XRCC4: variants seen among roughly 807,000 people sequenced by gnomAD.
XRCC4 encodes the protein DNA repair protein XRCC4.
XRCC4 carries 28 observed loss-of-function variants against 39.1 expected under a neutral mutation model. That is an observed-to-expected ratio of 0.72 (90% CI 0.53 to 0.98). XRCC4 has a LOEUF of 0.98. Among genes scored for constraint, XRCC4 ranks in the 50% least tolerant of loss-of-function variants. XRCC4 has a pLI of 0.00. For missense variants in XRCC4, 350 were observed against 376.4 expected (o/e 0.93, Z 0.58); for synonymous variants, 123 against 126.4 (o/e 0.97, Z 0.18).
In XRCC4 at chr5:83,116,608, CTTTTTTTTTTTTTTT is replaced by C. The variant is rs559079642; in HGVS notation, c.315+5422_315+5436del. ...GAAAGAATTACCAGTTTCTCTCTCT[CTTTTTTTTTTTTTTT>C]TTTTTTTTTTTTTTTTGAGATGGAG... On this transcript the variant is annotated intron_variant, in intron 3 of 7. Transcript: ENST00000396027. Among the ~76,000 whole-genome samples the C allele has an allele frequency of 2.0e-3, 203 of 103,194 alleles. 1 individual carries two copies. Among genetic ancestry groups the C allele is most frequent in the African/African-American group, 6.3e-3 (185 of 29,470 alleles). 67.7% of individuals were successfully genotyped at this position (103,194 alleles called of 152,430 possible). A position where few individuals can be genotyped will look rare whatever the true frequency, so the allele number is the denominator to read the frequency against.
chr5:83,217,478 C>T (rs962150478), intron 6 of XRCC4, among the ~76,000 whole-genome samples: 2 of 151,828 alleles, frequency 1.3e-5, no homozygotes, highest in Middle Eastern at 3.5e-3. Flanking sequence ...TAAATTAATC[C>T]GGAGGGTAAT....
chr5:83,216,407 T>C (rs1339662671), intron 6 of XRCC4, among the ~76,000 whole-genome samples: 1 of 152,176 alleles, frequency 6.6e-6, no homozygotes, highest in African/African-American at 2.4e-5. Context: ...TGTTTGGCAG[T>C]TCCTCAAAAA....
intron 3 of XRCC4, among the ~76,000 whole-genome samples, chr5:83,116,810 C>T (rs552255754): frequency 1.3e-5 from 2 of 151,882 alleles, no homozygotes; most frequent in East Asian, 1.9e-4. Flanking sequence ...TTAGTAGAGA[C>T]GGGGTTGTGC....
chr5:83,285,223 G>A (rs1431158680), intron 7 of XRCC4, among the ~76,000 whole-genome samples: 1 of 151,960 alleles, frequency 6.6e-6, no homozygotes, highest in Non-Finnish European at 1.5e-5. Flanking sequence ...ATTTTCCATT[G>A]TTACCTAAAT....
intron 7 of XRCC4, among the ~76,000 whole-genome samples, chr5:83,312,615 A>G (rs1755744930): frequency 6.6e-6 from 1 of 152,180 alleles, no homozygotes; most frequent in Non-Finnish European, 1.5e-5. Flanking sequence ...CGTGATAAAA[A>G]TGAGTTGGAA....
At chr5:83,232,650 C>T (rs984714316) in intron 6 of XRCC4, among the ~76,000 whole-genome samples, 1 of 152,016 alleles carries the variant, frequency 6.6e-6, no homozygotes, top group Admixed American at 6.6e-5. Context: ...TCTAGATATC[C>T]TCCTATCTCT....
intron 6 of XRCC4, among the ~76,000 whole-genome samples, chr5:83,251,523 CAAAAAAAAAAAA>C (rs60359773): frequency 8.6e-5 from 6 of 69,914 alleles, no homozygotes; most frequent in African/African-American, 2.0e-4. Context: ...GACTCCGTCT[CAAAAAAAAAAAA>C]AAAAAAAAAA....
At chr5:83,185,408 A>C (rs1191623121) in intron 3 of XRCC4, among the ~76,000 whole-genome samples, 4 of 135,034 alleles carry the variant, frequency 3.0e-5, no homozygotes, top group Non-Finnish European at 6.3e-5. Flanking sequence ...ATTGATATAC[A>C]AAAAAAGTAT....
Position 83,303,099 on chromosome 5 carries a change from G to C in XRCC4, c.893+44422G>C, listed in dbSNP as rs550585380. The stretch of plus-strand genomic sequence containing the variant: ...GTGGTGGCACAAGCCTGTAGTCCCA[G>C]CTACTTGGGAGGCTGAGGCAGGGGA... On this transcript the variant is annotated intron_variant, in intron 7 of 7. Coordinates refer to ENST00000396027, the MANE Select transcript of XRCC4 (RefSeq NM_003401.5). Among the ~76,000 whole-genome samples, 351 of 151,996 alleles carry C rather than the reference G, an allele frequency of 2.3e-3. 1 individual carries two copies. The highest frequency in any genetic ancestry group is 8.0e-3 in the African/African-American group (332 of 41,434).
intron 1 of XRCC4, among the ~76,000 whole-genome samples, chr5:83,090,351 G>GGA (rs1554052986): frequency 2.6e-5 from 4 of 151,590 alleles, no homozygotes; most frequent in African/African-American, 9.7e-5. Context: ...GGTTGGGGGG[G>GGA]GCTCCCTGCA....
intron 3 of XRCC4, among the ~76,000 whole-genome samples, chr5:83,180,091 T>G (rs1367016972): frequency 6.6e-6 from 1 of 152,218 alleles, no homozygotes; most frequent in East Asian, 1.9e-4. Flanking sequence ...ATTTTTATCA[T>G]TTCTTCAGTA....
chr5:83,345,499 T>A (rs1460024772), intron 7 of XRCC4, among the ~76,000 whole-genome samples: 2 of 152,190 alleles, frequency 1.3e-5, no homozygotes, highest in African/African-American at 4.8e-5. Flanking sequence ...AAATTTAAAA[T>A]CATTGTTTTT....
intron 6 of XRCC4, among the ~76,000 whole-genome samples, chr5:83,232,459 A>T (rs1256209898): frequency 6.6e-6 from 1 of 152,110 alleles, no homozygotes; most frequent in South Asian, 2.1e-4. Context: ...GGACTGCTCC[A>T]CAAAGGTCTT....
chr5:83,131,916 T>C (rs551648962), intron 3 of XRCC4, among the ~76,000 whole-genome samples: 4 of 152,294 alleles, frequency 2.6e-5, no homozygotes, highest in Admixed American at 1.3e-4. Context: ...AATTTGATCC[T>C]GTCATTATGA....
At chr5:83,250,365 C>T (rs1447099313) in intron 6 of XRCC4, among the ~76,000 whole-genome samples, 1 of 152,142 alleles carries the variant, frequency 6.6e-6, no homozygotes, top group East Asian at 1.9e-4. Flanking sequence ...TGGTATTTCA[C>T]ACAGATGCAA....
At chr5:83,209,427 G>A (rs1342802907) in intron 6 of XRCC4, among the ~76,000 whole-genome samples, 1 of 151,982 alleles carries the variant, frequency 6.6e-6, no homozygotes, top group African/African-American at 2.4e-5. Context: ...TATTGCTTCA[G>A]AACCATTTTC....
At chr5:83,313,867 T>C (rs1176779279) in intron 7 of XRCC4, among the ~76,000 whole-genome samples, 1 of 152,166 alleles carries the variant, frequency 6.6e-6, no homozygotes. Flanking sequence ...CTCTAAAATA[T>C]TATATTCTAA....
At chr5:83,255,035 C>T (rs905627253) in intron 6 of XRCC4, among the ~76,000 whole-genome samples, 1 of 149,286 alleles carries the variant, frequency 6.7e-6, no homozygotes, top group African/African-American at 2.5e-5. Context: ...TGCAGTGAGC[C>T]GAGATCACGC....
At chr5:83,262,908 A>G (rs1271131944) in intron 7 of XRCC4, among the ~76,000 whole-genome samples, 3 of 141,606 alleles carry the variant, frequency 2.1e-5, no homozygotes, top group Non-Finnish European at 4.5e-5. Flanking sequence ...TTAGTTACAT[A>G]TGTATACATG....
Sources: gnomAD v4.1 joint callset for allele counts (sites outside exome capture counted in the v4.1 genomes callset) on GRCh38, gnomAD v4.1.1 for gene constraint, MANE v1.5 for transcripts, NCBI Gene and HGNC (gene_info 2026-07-23, HGNC 2026-07-21) for gene names.